Variants in KCNK10 observed in about 807,000 individuals in gnomAD.
KCNK10 encodes the protein potassium two pore domain channel subfamily K member 10, also known as potassium channel subfamily K member 10.
In KCNK10, 25 loss-of-function variants were observed where a neutral mutation model predicts 47.7. The ratio of observed to expected loss-of-function variants is 0.52; its 90% CI spans 0.38 to 0.73. The LOEUF (loss-of-function observed/expected upper bound fraction) is 0.73, where lower values mean the gene tolerates loss of function less well. Ranked by LOEUF, KCNK10 falls within the 30% of genes least tolerant of loss-of-function variation. KCNK10 has a pLI of 0.00. For missense variants in KCNK10, 563 were observed against 714.5 expected, an observed-to-expected ratio of 0.79 and a Z score of 2.42; for synonymous variants, 303 against 285.6, an observed-to-expected ratio of 1.06 and a Z score of -0.61.
chr14:88,226,526 G>C lies in KCNK10; in HGVS notation c.681+849C>G, dbSNP rs1373713168. Among the ~76,000 whole-genome samples the C allele has an allele frequency of 3.9e-5, 6 of 152,162 alleles. No homozygotes were observed. In the East Asian group the frequency reaches 1.2e-3, roughly 29 times the overall value. On this transcript the variant is annotated intron_variant, in intron 4 of 6. Coordinates refer to ENST00000319231, the MANE Select transcript of KCNK10 (RefSeq NM_138317.3). ...TCATAAGAAAGCATTCCCTGAGGAAGGTTTGAAAGACTTGAGAATTAGGTC... is the reference window on the plus strand; with the variant it reads ...TCATAAGAAAGCATTCCCTGAGGAACGTTTGAAAGACTTGAGAATTAGGTC...
chr14:88,195,778 C>T (rs1232822502), intron 4 of KCNK10, among the ~76,000 whole-genome samples: 1 of 152,154 alleles, frequency 6.6e-6, no homozygotes, highest in African/African-American at 2.4e-5. Context: ...TTGCAGATAA[C>T]GTTTGCGATG....
chr14:88,245,293 C>G (rs1358153111), intron 2 of KCNK10, among the ~76,000 whole-genome samples: 4 of 152,164 alleles, frequency 2.6e-5, no homozygotes, highest in Admixed American at 2.0e-4. Flanking sequence ...AGGGCAGGAT[C>G]TAAAAGATTC....
At chr14:88,275,027 G>C (rs964797939) in intron 1 of KCNK10, among the ~76,000 whole-genome samples, 3 of 152,026 alleles carry the variant, frequency 2.0e-5, no homozygotes. Flanking sequence ...CCCTGCTGAA[G>C]ATCTGAAGAC....
At chr14:88,264,210 T>C (rs572962756) in intron 1 of KCNK10, among the ~76,000 whole-genome samples, 3 of 152,210 alleles carry the variant, frequency 2.0e-5, no homozygotes, top group African/African-American at 4.8e-5. Flanking sequence ...TCGAAGCACA[T>C]AGAATTCTCT....
intron 4 of KCNK10, among the ~76,000 whole-genome samples, chr14:88,199,543 G>T (rs937951581): frequency 6.6e-6 from 1 of 152,138 alleles, no homozygotes; most frequent in Non-Finnish European, 1.5e-5. Context: ...CAGTGTTAGG[G>T]TTCTCATGTA....
chr14:88,207,558 C>T (rs1451937047), intron 4 of KCNK10, among the ~76,000 whole-genome samples: 1 of 152,186 alleles, frequency 6.6e-6, no homozygotes, highest in Non-Finnish European at 1.5e-5. Context: ...CACTATGCTG[C>T]CCAAGCTGGC....
At chr14:88,227,883 A>G (rs1463724331) in intron 3 of KCNK10, among the ~76,000 whole-genome samples, 3 of 152,230 alleles carry the variant, frequency 2.0e-5, no homozygotes, top group African/African-American at 7.2e-5. Context: ...GTGGGAAGGA[A>G]TCACCACTGC....
At chr14:88,207,549 A>G (rs1385253159) in intron 4 of KCNK10, among the ~76,000 whole-genome samples, 1 of 152,052 alleles carries the variant, frequency 6.6e-6, no homozygotes, top group Non-Finnish European at 1.5e-5. Context: ...GGGATGTCTC[A>G]CTATGCTGCC....
intron 1 of KCNK10, among the ~76,000 whole-genome samples, chr14:88,301,076 C>G (rs557123724): frequency 6.6e-6 from 1 of 152,312 alleles, no homozygotes; most frequent in East Asian, 1.9e-4. Flanking sequence ...TAATCGAAAG[C>G]TACCATGTGC....
intron 2 of KCNK10, among the ~76,000 whole-genome samples, chr14:88,253,202 T>C (rs552286275): frequency 1.7e-4 from 26 of 152,256 alleles, no homozygotes; most frequent in Admixed American, 1.5e-3. Flanking sequence ...TAATAAATAA[T>C]GCTGACTGGA....
At position 88,260,004 on chromosome 14, in the gene KCNK10, A is replaced by G. The variant is rs1038125761; in HGVS notation, c.402+3198T>C. Among the ~76,000 whole-genome samples the G allele has an allele frequency of 1.3e-5, 2 of 151,964 alleles. No homozygotes were observed. Among genetic ancestry groups the G allele is most frequent in the Admixed American group, 1.3e-4 (2 of 15,262 alleles). On this transcript the variant is annotated intron_variant, in intron 2 of 6. Transcript: ENST00000319231. This position sits in a 1 kb window ranked among gnomAD's most constrained non-coding sequence, Gnocchi z 4.5. The stretch of plus-strand genomic sequence containing the variant: ...GATGCCTAGGCTGGAGTGCAGTGGC[A>G]TGATCTCGGCTCACTGCAACCTCTG...
chr14:88,262,791 C>T (rs894659083), intron 2 of KCNK10, among the ~76,000 whole-genome samples: 1 of 152,218 alleles, frequency 6.6e-6, no homozygotes, highest in African/African-American at 2.4e-5. Context: ...CTACCTCATC[C>T]TCATGGACCT....
chr14:88,298,448 T>C (rs960797876), intron 1 of KCNK10, among the ~76,000 whole-genome samples: 1 of 152,192 alleles, frequency 6.6e-6, no homozygotes, highest in Non-Finnish European at 1.5e-5. Flanking sequence ...TTATCTTCTT[T>C]CCCCTACCAT....
intron 1 of KCNK10, among the ~76,000 whole-genome samples, chr14:88,307,909 T>A (rs1888234953): frequency 6.6e-6 from 1 of 152,174 alleles, no homozygotes; most frequent in South Asian, 2.1e-4. Context: ...GCTCTTCGTG[T>A]GCATGGTCTC....
intron 1 of KCNK10, among the ~76,000 whole-genome samples, chr14:88,288,509 C>T (rs1022764491): frequency 6.6e-6 from 1 of 152,210 alleles, no homozygotes; most frequent in Non-Finnish European, 1.5e-5. Context: ...TTCATTCCCA[C>T]CTCAACCAGC....
chr14:88,194,943 T>C (rs1476020960), intron 4 of KCNK10, among the ~76,000 whole-genome samples: 1 of 152,052 alleles, frequency 6.6e-6, no homozygotes, highest in Admixed American at 6.5e-5. Context: ...CATACTTTGC[T>C]ATAAAAAGAA....
intron 2 of KCNK10, among the ~76,000 whole-genome samples, chr14:88,251,746 A>C (rs899230144): frequency 1.3e-5 from 2 of 152,196 alleles, no homozygotes; most frequent in African/African-American, 4.8e-5. Flanking sequence ...CAGAATCAGC[A>C]CCTGCGTGGT....
At chr14:88,187,275 C>G (rs994917283) in intron 6 of KCNK10, among the ~76,000 whole-genome samples, 1 of 150,996 alleles carries the variant, frequency 6.6e-6, no homozygotes, top group African/African-American at 2.4e-5. Context: ...ATCTCCCTTC[C>G]TTTCTTTTAG....
At chr14:88,238,633 C>T (rs1444596730) in intron 3 of KCNK10, among the ~76,000 whole-genome samples, 1 of 152,162 alleles carries the variant, frequency 6.6e-6, no homozygotes, top group Non-Finnish European at 1.5e-5. Context: ...ATGATCACAC[C>T]ACTGCACTCC....
Sources: allele counts gnomAD v4.1 joint callset (sites outside exome capture counted in the v4.1 genomes callset), GRCh38; gene constraint gnomAD v4.1.1; non-coding constraint Gnocchi (gnomAD v3.1); transcripts MANE v1.5; gene names NCBI Gene and HGNC (gene_info 2026-07-23, HGNC 2026-07-21).